Variants in ERICH6B observed in about 807,000 individuals in gnomAD.
ERICH6B encodes the protein glutamate-rich protein 6B.
Under a neutral mutation model 80.0 loss-of-function variants are expected in ERICH6B, and 69 were observed. That is an observed-to-expected ratio of 0.86 (90% CI 0.71 to 1.05). The LOEUF (loss-of-function observed/expected upper bound fraction) is 1.05. Ranked by LOEUF, ERICH6B falls within the 50% of genes least tolerant of loss-of-function variation. The pLI is 0.00. For synonymous variants in ERICH6B, 283 were observed against 291.9 expected (o/e 0.97, Z 0.31); for missense variants, 754 against 796.1 (o/e 0.95, Z 0.64).
intron 9 of ERICH6B, among the ~76,000 whole-genome samples, chr13:45,566,879 C>T (rs1874936445): frequency 6.6e-6 from 1 of 152,210 alleles, no homozygotes; most frequent in Non-Finnish European, 1.5e-5. Flanking sequence ...TGACAGCTTG[C>T]ACTGTACATT....
rs115468907 is a variant in ERICH6B, at chr13:45,548,325, G to A, written c.1646+1568C>T. Among the ~76,000 whole-genome samples, 367 of 152,354 alleles carry A rather than the reference G, an allele frequency of 2.4e-3. 4 individuals are homozygous for A. Among genetic ancestry groups the A allele is most frequent in the African/African-American group, 8.3e-3 (347 of 41,568 alleles). Reference sequence around the variant, plus strand: ...GGAGGGAATTCTAGCAGTTAGGGTCGTGCCCTGACCAAATGGCTTTGTATT... The same window carrying A: ...GGAGGGAATTCTAGCAGTTAGGGTCATGCCCTGACCAAATGGCTTTGTATT... On this transcript the variant is annotated intron_variant, in intron 13 of 14. Transcript: ENST00000298738.
At chr13:45,545,359 CTGG>C (rs1176769070) in intron 13 of ERICH6B, among the ~76,000 whole-genome samples, 1 of 152,218 alleles carries the variant, frequency 6.6e-6, no homozygotes, top group Non-Finnish European at 1.5e-5. Flanking sequence ...AGCAGCCTAC[CTGG>C]TTCCCTACGG....
intron 2 of ERICH6B, among the ~76,000 whole-genome samples, chr13:45,603,838 C>T (rs1225166774): frequency 2.0e-5 from 3 of 152,208 alleles, no homozygotes; most frequent in South Asian, 2.1e-4. Flanking sequence ...CTGTCTTGCT[C>T]ATCTCATTAC....
chr13:45,550,010 T>C lies in ERICH6B; in HGVS notation c.1529A>G (p.Tyr510Cys), dbSNP rs973262512. The C allele has an allele frequency of 6.4e-7, 1 of 1,551,982 alleles. No individual in the cohort carries two copies. The highest frequency in any genetic ancestry group is 1.4e-5 in the African/African-American group (1 of 73,156). Residue 510 changes from tyrosine to cysteine, a missense_variant, in exon 13 of 15, where the codon TAT becomes TGT. Tyr to Cys is a radical substitution (Grantham distance 194, BLOSUM62 -2). Transcript: ENST00000298738. ...GTATGTGAACTTTTTCATTTTCGCA[T>C]ATAAGATGAGCATAGCCAGGTTTCC... is the stretch of plus-strand genomic sequence containing the variant. The part of the protein sequence containing the change: ...PSGNLAMLIL[Y>C]AKMKKFTYII...
intron 5 of ERICH6B, among the ~76,000 whole-genome samples, chr13:45,581,454 G>A (rs1469678138): frequency 6.6e-6 from 1 of 152,156 alleles, no homozygotes; most frequent in Non-Finnish European, 1.5e-5. Flanking sequence ...TCCGCTTACT[G>A]CAACCTCCGC....
chr13:45,544,266 G>T (rs1873902449), intron 14 of ERICH6B, among the ~76,000 whole-genome samples: 1 of 152,140 alleles, frequency 6.6e-6, no homozygotes, highest in South Asian at 2.1e-4. Context: ...GAAGAGACGG[G>T]GTTTGACTGT....
intron 2 of ERICH6B, among the ~76,000 whole-genome samples, chr13:45,607,284 A>C (rs1442397464): frequency 6.6e-6 from 1 of 152,200 alleles, no homozygotes; most frequent in Non-Finnish European, 1.5e-5. Context: ...TGCAGATAAG[A>C]GACTTTAACC....
intron 1 of ERICH6B, among the ~76,000 whole-genome samples, chr13:45,612,591 C>G (rs1250967230): frequency 6.6e-6 from 1 of 152,120 alleles, no homozygotes; most frequent in Non-Finnish European, 1.5e-5. Flanking sequence ...TCCAGGGGAG[C>G]TTATTTATGG....
chr13:45,593,231 G>T (rs188173299), intron 3 of ERICH6B, among the ~76,000 whole-genome samples: 69 of 152,274 alleles, frequency 4.5e-4, no homozygotes, highest in Admixed American at 4.2e-3. Context: ...GATTTGTCCA[G>T]GGCTATGGGA....
chr13:45,611,623 G>A (rs570898298), intron 1 of ERICH6B, among the ~76,000 whole-genome samples: 1 of 152,300 alleles, frequency 6.6e-6, no homozygotes, highest in South Asian at 2.1e-4. Context: ...AGGATTAGGG[G>A]AAAGGGGAGG....
In ERICH6B at chr13:45,607,416, C is replaced by T. The variant is rs371393113; in HGVS notation, c.-59+148G>A. ...TGTTTCTGTAGGAAAATAAAATCCA[C>T]TTCATGGAGGTCTATTTTGACATGG... On this transcript the variant is annotated intron_variant, in intron 2 of 14. Coordinates refer to ENST00000298738, the MANE Select transcript of ERICH6B (RefSeq NM_182542.3). 3.9e-5 allele frequency: 6 copies of T among 152,204 alleles called. No individual in the cohort carries two copies. In the East Asian group the frequency reaches 5.8e-4, roughly 15 times the overall value. 9.4% of individuals were successfully genotyped at this position (152,204 alleles called of 1,614,324 possible). A position where few individuals can be genotyped will look rare whatever the true frequency, so the allele number is the denominator to read the frequency against.
rs1874799076 is a variant in ERICH6B at position 45,563,791 on chromosome 13, A to C, written c.1188-3T>G. 6.4e-7 allele frequency: 1 copy of C among 1,551,848 alleles called. No homozygotes were observed. Among genetic ancestry groups the C allele is most frequent in the African/African-American group, 1.4e-5 (1 of 73,060 alleles). On this transcript the variant is annotated splice_region_variant and splice_polypyrimidine_tract_variant and intron_variant, in intron 9 of 14. Coordinates refer to ENST00000298738, the MANE Select transcript of ERICH6B (RefSeq NM_182542.3). The stretch of plus-strand genomic sequence containing the variant: ...ACTTTTCATAATTTTTCTTCAGCCT[A>C]AAAGGAAAGTGGATCATCTTTAGAA...
intron 8 of ERICH6B, among the ~76,000 whole-genome samples, chr13:45,570,954 A>G (rs1347074332): frequency 2.6e-5 from 4 of 152,066 alleles, no homozygotes; most frequent in Non-Finnish European, 4.4e-5. Context: ...TCCATGTGGC[A>G]TTCGCTCCAC....
chr13:45,561,512 C>T lies in ERICH6B; in HGVS notation c.1264G>A (p.Glu422Lys). 6.4e-7 allele frequency: 1 copy of T among 1,551,570 alleles called. No individual in the cohort carries two copies. The highest frequency in any genetic ancestry group is 8.7e-7 in the Non-Finnish European group (1 of 1,146,962). The part of the protein sequence containing the change: ...KRRREAQKLT[E>K]MTSFTFHLMS... Reference sequence around the variant, plus strand: ...AAATGAAATGTGAAACTGGTCATCTCTGTTAACTTTTGAGCTGCCATTCAA... The same window carrying T: ...AAATGAAATGTGAAACTGGTCATCTTTGTTAACTTTTGAGCTGCCATTCAA... The change falls in exon 11 of 15, where the codon GAG becomes AAG. Residue 422 changes from glutamate (E) to lysine (K), a missense_variant. Coordinates refer to ENST00000298738, the MANE Select transcript of ERICH6B (RefSeq NM_182542.3).
rs374661024 is a variant in ERICH6B at position 45,589,744 on chromosome 13, C to A, written c.686+905G>T. 3.7e-4 allele frequency among the ~76,000 whole-genome samples: 57 copies of A among 152,348 alleles called. 1 individual carries two copies. Among genetic ancestry groups the A allele is most frequent in the African/African-American group, 1.3e-3 (56 of 41,578 alleles). ...CCCTTCACTGTGTCTGGGCACATTG[C>A]TTCACTTGCTTTGAGTGTCAGCGAT... On this transcript the variant is annotated intron_variant, in intron 4 of 14. Transcript: ENST00000298738.
At chr13:45,551,951 C>A (rs570678690) in intron 11 of ERICH6B, among the ~76,000 whole-genome samples, 1 of 152,128 alleles carries the variant, frequency 6.6e-6, no homozygotes, top group East Asian at 1.9e-4. Context: ...TCTGTGATTC[C>A]CTGTTACAGC....
intron 3 of ERICH6B, among the ~76,000 whole-genome samples, chr13:45,594,148 T>G (rs1417623015): frequency 6.6e-6 from 1 of 152,248 alleles, no homozygotes; most frequent in Non-Finnish European, 1.5e-5. Context: ...TATATTTTTT[T>G]GAAAAGTTAA....
At chr13:45,567,460 G>A (rs1484616441) in intron 9 of ERICH6B, among the ~76,000 whole-genome samples, 1 of 152,168 alleles carries the variant, frequency 6.6e-6, no homozygotes, top group Non-Finnish European at 1.5e-5. Flanking sequence ...ATTGAATCAT[G>A]GGGGCAGGTC....
intron 11 of ERICH6B, among the ~76,000 whole-genome samples, chr13:45,550,701 G>A (rs1206061604): frequency 1.3e-5 from 2 of 152,160 alleles, no homozygotes; most frequent in Non-Finnish European, 2.9e-5. Context: ...TTTTGAGGAA[G>A]GATCTCTTCC....
Sources: allele counts gnomAD v4.1 joint callset (sites outside exome capture counted in the v4.1 genomes callset), GRCh38; gene constraint gnomAD v4.1.1; transcripts MANE v1.5; gene names NCBI Gene and HGNC (gene_info 2026-07-23, HGNC 2026-07-21).